SERGEF: variants seen among roughly 807,000 people sequenced by gnomAD.
The protein encoded by SERGEF is secretion-regulating guanine nucleotide exchange factor.
SERGEF carries 51 observed loss-of-function variants against 50.0 expected under a neutral mutation model. That is an observed-to-expected ratio of 1.02 (90% confidence interval 0.81 to 1.29). SERGEF has a LOEUF of 1.29. Ranked by LOEUF, SERGEF falls within the 50% of genes most tolerant of loss-of-function variation. The probability of loss-of-function intolerance (pLI) is 0.00; values close to 1 mark genes in which losing one functional copy is unlikely to be tolerated. For missense variants in SERGEF, 521 were observed against 557.0 expected (o/e 0.94, Z 0.65); for synonymous variants, 205 against 212.4 (o/e 0.97, Z 0.30).
intron 9 of SERGEF, among the ~76,000 whole-genome samples, chr11:17,880,232 T>C (rs1371823533): frequency 2.0e-5 from 3 of 152,220 alleles, no homozygotes; most frequent in African/African-American, 7.2e-5. Context: ...AGGCTGGCTC[T>C]GTGTCTGATT....
intron 9 of SERGEF, among the ~76,000 whole-genome samples, chr11:17,882,614 A>C (rs1851356299): frequency 6.6e-6 from 1 of 152,118 alleles, no homozygotes; most frequent in Non-Finnish European, 1.5e-5. Context: ...AGACATCTAG[A>C]AGACTGCCTG....
At chr11:17,964,443 T>C (rs1464212614) in intron 8 of SERGEF, among the ~76,000 whole-genome samples, 1 of 152,226 alleles carries the variant, frequency 6.6e-6, no homozygotes, top group Non-Finnish European at 1.5e-5. Flanking sequence ...ATTTCTACCC[T>C]GTTCTAGGGA....
At position 18,012,952 on chromosome 11, in the gene SERGEF, C is replaced by G. The variant is rs1034986086; in HGVS notation, c.59G>C (p.Trp20Ser). 2.6e-5 allele frequency: 39 copies of G among 1,500,406 alleles called. No homozygotes were observed. Among genetic ancestry groups the G allele is most frequent in the Non-Finnish European group, 3.1e-5 (35 of 1,134,046 alleles). The allele number at this position is 1,500,406 out of a possible 1,614,324, so 92.9% of individuals were successfully genotyped here. The part of the protein sequence containing the change: ...AAPAAAALFA[W>S]GANSYGQLGL... ...CGGCCCGGGGGCGGAGTCACGTACCCAGGCGAAGAGCGCGGCCGCCGCGGG... is the reference window on the plus strand; with the variant it reads ...CGGCCCGGGGGCGGAGTCACGTACCGAGGCGAAGAGCGCGGCCGCCGCGGG... The change falls in exon 1 of 11, where the codon TGG (tryptophan) becomes TCG (serine). Residue 20 changes from tryptophan to serine, a missense_variant and splice_region_variant. Coordinates refer to ENST00000265965, the MANE Select transcript of SERGEF (RefSeq NM_012139.4).
chr11:17,958,225 G>A (rs1852916642), intron 9 of SERGEF, among the ~76,000 whole-genome samples: 1 of 152,156 alleles, frequency 6.6e-6, no homozygotes, highest in African/African-American at 2.4e-5. Context: ...AGGGCCCTGG[G>A]GAAGGGAAGC....
chr11:17,818,033 A>T (rs1040219250), intron 10 of SERGEF, among the ~76,000 whole-genome samples: 3 of 152,148 alleles, frequency 2.0e-5, no homozygotes, highest in Non-Finnish European at 4.4e-5. Context: ...TTTCCCTAAG[A>T]CGGACAGACT....
chr11:17,897,349 G>A (rs1851667440), intron 9 of SERGEF, among the ~76,000 whole-genome samples: 1 of 152,146 alleles, frequency 6.6e-6, no homozygotes, highest in Admixed American at 6.5e-5. Flanking sequence ...CCTTGATTTA[G>A]GCTCTGTGAA....
chr11:17,801,258 G>A (rs1849665278), intron 10 of SERGEF, among the ~76,000 whole-genome samples: 1 of 152,022 alleles, frequency 6.6e-6, no homozygotes, highest in Non-Finnish European at 1.5e-5. Flanking sequence ...TGCCAGGTGA[G>A]GAGTTAGAAG....
intron 10 of SERGEF, among the ~76,000 whole-genome samples, chr11:17,819,173 C>T (rs1399849693): frequency 6.6e-6 from 1 of 152,168 alleles, no homozygotes; most frequent in Non-Finnish European, 1.5e-5. Flanking sequence ...TCATATACAC[C>T]AATCAAAGCA....
chr11:17,994,275 C>T (rs1261122808), intron 6 of SERGEF, among the ~76,000 whole-genome samples: 1 of 151,884 alleles, frequency 6.6e-6, no homozygotes, highest in Admixed American at 6.5e-5. Context: ...GAGATCGAGA[C>T]CATCCTGGTT....
At chr11:17,924,893 C>G (rs571486606) in intron 9 of SERGEF, among the ~76,000 whole-genome samples, 1 of 152,110 alleles carries the variant, frequency 6.6e-6, no homozygotes, top group Admixed American at 6.5e-5. Flanking sequence ...ATGGAAAATT[C>G]CAGCTGAAAA....
chr11:17,953,653 A>T (rs976674077), intron 9 of SERGEF, among the ~76,000 whole-genome samples: 1 of 152,244 alleles, frequency 6.6e-6, no homozygotes, highest in Non-Finnish European at 1.5e-5. Context: ...TCACTTATTC[A>T]GTCAGTAAAC....
intron 9 of SERGEF, among the ~76,000 whole-genome samples, chr11:17,932,303 A>T (rs540705729): frequency 6.6e-6 from 1 of 152,292 alleles, no homozygotes; most frequent in South Asian, 2.1e-4. Context: ...CCTTTTCTTC[A>T]ACTGAGAGCC....
At chr11:17,906,826 G>GAAAAAAAA (rs56102467) in intron 9 of SERGEF, among the ~76,000 whole-genome samples, 1 of 132,936 alleles carries the variant, frequency 7.5e-6, no homozygotes, top group African/African-American at 2.8e-5. Context: ...TATCAAATAA[G>GAAAAAAAA]AAAAAAAAAA....
intron 10 of SERGEF, among the ~76,000 whole-genome samples, chr11:17,820,634 G>A (rs1004730131): frequency 2.0e-5 from 3 of 152,224 alleles, no homozygotes; most frequent in African/African-American, 7.2e-5. Context: ...GGACTGTATA[G>A]TGGGTTGAAC....
At chr11:17,869,181 T>G (rs955293826) in intron 10 of SERGEF, among the ~76,000 whole-genome samples, 2 of 152,092 alleles carry the variant, frequency 1.3e-5, no homozygotes, top group African/African-American at 4.8e-5. Flanking sequence ...ATTCCCTGAC[T>G]CAAAATCCAA....
Position 18,004,552 on chromosome 11 carries a change from C to G in SERGEF, c.353-17G>C. On this transcript the variant is annotated splice_polypyrimidine_tract_variant and intron_variant, in intron 3 of 10. Transcript: ENST00000265965. ...GACCATTTTCTGCAAAATACAAATACTTAAATTGCAAATCTATGAAGTAAG... is the reference window on the plus strand; with the variant it reads ...GACCATTTTCTGCAAAATACAAATAGTTAAATTGCAAATCTATGAAGTAAG... The G allele has an allele frequency of 6.4e-7, 1 of 1,563,290 alleles. No homozygotes were observed. Among genetic ancestry groups the G allele is most frequent in the Non-Finnish European group, 8.8e-7 (1 of 1,138,220 alleles).
chr11:17,985,175 G>C (rs563846437), intron 8 of SERGEF, among the ~76,000 whole-genome samples: 1 of 152,254 alleles, frequency 6.6e-6, no homozygotes, highest in East Asian at 1.9e-4. Flanking sequence ...TATCCCTGTG[G>C]AAACAGAAGT....
At chr11:17,905,514 G>A (rs1260902006) in intron 9 of SERGEF, among the ~76,000 whole-genome samples, 3 of 152,214 alleles carry the variant, frequency 2.0e-5, no homozygotes, top group Non-Finnish European at 2.9e-5. Context: ...AGTCTGAGGA[G>A]GAAGGATGCA....
rs576997068 is a variant in SERGEF at position 17,978,279 on chromosome 11, A to T, written c.844+10318T>A. The stretch of plus-strand genomic sequence containing the variant: ...CCCTAACCTGATCCCCTTGGAAATT[A>T]AAAAAAAAAAAATGTTCTTATTCAA... On this transcript the variant is annotated intron_variant, in intron 8 of 10. Transcript: ENST00000265965. 2.4e-3 allele frequency among the ~76,000 whole-genome samples: 344 copies of T among 145,392 alleles called. 1 individual carries two copies. The highest frequency in any genetic ancestry group is 7.8e-3 in the African/African-American group (314 of 40,164).
Sources: gnomAD v4.1 joint callset for allele counts (sites outside exome capture counted in the v4.1 genomes callset) on GRCh38, gnomAD v4.1.1 for gene constraint, MANE v1.5 for transcripts, NCBI Gene and HGNC (gene_info 2026-07-23, HGNC 2026-07-21) for gene names.